Variants in ZFHX3 observed in about 807,000 individuals in gnomAD.
ZFHX3 encodes zinc finger homeobox protein 3.
A neutral mutation model predicts 279.1 loss-of-function variants in ZFHX3; 42 were observed. The observed-to-expected ratio is 0.15, with a 90% CI of 0.12 to 0.19. The LOEUF is 0.19. Among genes scored for constraint, ZFHX3 ranks in the 10% least tolerant of loss-of-function variants. The pLI, the probability that ZFHX3 is intolerant of heterozygous loss-of-function variation, is 1.00. For missense variants in ZFHX3, 4,981 were observed against 4,754.0 expected, an observed-to-expected ratio of 1.05 and a Z score of -1.40; for synonymous variants, 2,293 against 1,957.8, an observed-to-expected ratio of 1.17 and a Z score of -4.52.
intron 2 of ZFHX3, among the ~76,000 whole-genome samples, chr16:73,619,498 A>ATT (rs1220654680): frequency 0.19 from 10,985 of 58,298 alleles, 925 homozygotes; most frequent in African/African-American, 0.28. Flanking sequence ...AAAAAAAAAA[A>ATT]ATTATATATA....
At chr16:72,943,957 A>G (rs1360946648) in intron 3 of ZFHX3, among the ~76,000 whole-genome samples, 17 of 152,242 alleles carry the variant, frequency 1.1e-4, no homozygotes, top group Non-Finnish European at 4.4e-5. Flanking sequence ...GATTTTCATA[A>G]AAAGTATCTA....
At chr16:73,859,853 G>T (rs567674411) in intron 1 of ZFHX3, among the ~76,000 whole-genome samples, 71 of 152,262 alleles carry the variant, frequency 4.7e-4, no homozygotes, top group African/African-American at 1.6e-3. Context: ...ACCTAGCACG[G>T]TACTGTTTAT....
Position 73,195,097 on chromosome 16 carries a change from T to C in ZFHX3, c.-1103-51266A>G, listed in dbSNP as rs558658137. On this transcript the variant is annotated intron_variant, in intron 5 of 17. Transcript: ENST00000641206. Reference sequence around the variant, plus strand: ...CATATTTCAAGTCTCTCCAAATACCTACTTAACAAATACCACCTTTTGCAT... The same window carrying C: ...CATATTTCAAGTCTCTCCAAATACCCACTTAACAAATACCACCTTTTGCAT... Among the ~76,000 whole-genome samples the C allele has an allele frequency of 4.4e-3, 669 of 152,322 alleles. 3 individuals are homozygous for C. Among genetic ancestry groups the C allele is most frequent in the Admixed American group, 6.6e-3 (101 of 15,300 alleles).
At chr16:73,202,665 C>G (rs2011649131) in intron 5 of ZFHX3, among the ~76,000 whole-genome samples, 1 of 152,202 alleles carries the variant, frequency 6.6e-6, no homozygotes, top group South Asian at 2.1e-4. Flanking sequence ...GCTCACCTCT[C>G]TGCTACCCTC....
At chr16:73,131,587 C>G (rs1166862171) in intron 6 of ZFHX3, among the ~76,000 whole-genome samples, 3 of 152,180 alleles carry the variant, frequency 2.0e-5, no homozygotes, top group Non-Finnish European at 4.4e-5. Context: ...TGTGAGCTGA[C>G]ACAGTGAGCC....
intron 4 of ZFHX3, among the ~76,000 whole-genome samples, chr16:73,303,106 G>A (rs905412926): frequency 6.6e-6 from 1 of 151,718 alleles, no homozygotes; most frequent in African/African-American, 2.4e-5. Context: ...ATAGTGCACT[G>A]TCGCCTTAAA....
intron 3 of ZFHX3, among the ~76,000 whole-genome samples, chr16:73,347,687 T>C (rs1438691622): frequency 6.6e-6 from 1 of 152,268 alleles, no homozygotes; most frequent in Non-Finnish European, 1.5e-5. Flanking sequence ...CAGTAGTTAA[T>C]TTCATCTGTT....
chr16:73,405,742 C>A (rs1371258694), intron 3 of ZFHX3, among the ~76,000 whole-genome samples: 2 of 151,856 alleles, frequency 1.3e-5, no homozygotes, highest in East Asian at 3.9e-4. Context: ...AAATACCAGG[C>A]TGGAATGCCA....
chr16:72,890,007 GAA>G, intron 3 of ZFHX3, 45 bp from the exon 4 acceptor site: 2 of 1,553,316 alleles, frequency 1.3e-6, no homozygotes, highest in East Asian at 2.3e-5. Context: ...TAAGCCACTC[GAA>G]GCGGCCACTG....
At chr16:73,516,265 G>T (rs958409346) in intron 2 of ZFHX3, among the ~76,000 whole-genome samples, 3 of 152,196 alleles carry the variant, frequency 2.0e-5, no homozygotes, top group Admixed American at 6.5e-5. Context: ...CATGTTCTTT[G>T]TAACCAGGGC....
intron 1 of ZFHX3, among the ~76,000 whole-genome samples, chr16:73,840,134 G>A (rs568845533): frequency 6.6e-6 from 1 of 152,250 alleles, no homozygotes; most frequent in African/African-American, 2.4e-5. Flanking sequence ...AAACAGATCA[G>A]GAAATAAGTA....
At chr16:73,760,260 G>C (rs1466431807) in intron 1 of ZFHX3, among the ~76,000 whole-genome samples, 3 of 152,114 alleles carry the variant, frequency 2.0e-5, no homozygotes, top group Non-Finnish European at 4.4e-5. Context: ...TCCCTGAGTA[G>C]ATCAATAACG....
intron 2 of ZFHX3, among the ~76,000 whole-genome samples, chr16:73,613,590 G>A (rs1291312666): frequency 6.6e-6 from 1 of 152,128 alleles, no homozygotes; most frequent in Non-Finnish European, 1.5e-5. Context: ...TTATATGAAA[G>A]TAAAGTTGAA....
intron 1 of ZFHX3, among the ~76,000 whole-genome samples, chr16:73,759,546 T>A (rs1411151672): frequency 1.3e-5 from 2 of 152,168 alleles, no homozygotes; most frequent in Non-Finnish European, 2.9e-5. Flanking sequence ...CTTTAGGAAT[T>A]ACAGAGAAGT....
intron 1 of ZFHX3, among the ~76,000 whole-genome samples, chr16:73,783,466 C>T (rs1478725471): frequency 6.6e-6 from 1 of 152,300 alleles, no homozygotes; most frequent in East Asian, 1.9e-4. Context: ...AAGGATGACA[C>T]CCAGGAAAGA....
rs1442649904 is a variant in ZFHX3, at chr16:73,394,653, T to A, written c.-1291+61350A>T. Among the ~76,000 whole-genome samples, 2 of 152,184 alleles carry A rather than the reference T, an allele frequency of 1.3e-5. 1 individual carries two copies. The highest frequency in any genetic ancestry group is 4.1e-4 in the South Asian group (2 of 4,828). Reference sequence around the variant, plus strand: ...GAACAGAGACAGAAGGACAAAGATATGCTTGTAATGGTACAGAAAACCCTA... The same window carrying A: ...GAACAGAGACAGAAGGACAAAGATAAGCTTGTAATGGTACAGAAAACCCTA... On this transcript the variant is annotated intron_variant, in intron 3 of 17. Transcript: ENST00000641206.
Position 72,787,910 on chromosome 16 carries a change from A to C in ZFHX3, c.10366T>G (p.Phe3456Val), listed in dbSNP as rs1269071907. ...SKSADSLYDPFIVPKVQYKLV... is the reference protein window; with the variant it reads ...SKSADSLYDPVIVPKVQYKLV... ...TTGTACTGCACCTTTGGAACAATGA[A>C]GGGGTCGTAGAGGGAGTCCGCACTT... The change falls in exon 10 of 10, where the codon TTC becomes GTC. Residue 3456 changes from phenylalanine to valine, a missense_variant. Physicochemically the swap from Phe to Val is conservative, Grantham distance 50 (BLOSUM62 -1). Transcript: ENST00000268489. 1.2e-6 allele frequency: 2 copies of C among 1,613,924 alleles called. No homozygotes were observed. Among genetic ancestry groups the C allele is most frequent in the Non-Finnish European group, 8.5e-7 (1 of 1,179,990 alleles).
At chr16:73,376,142 T>C (rs2016719085) in intron 3 of ZFHX3, among the ~76,000 whole-genome samples, 2 of 152,354 alleles carry the variant, frequency 1.3e-5, no homozygotes, top group South Asian at 4.1e-4. Flanking sequence ...ACTCTTTTGG[T>C]TTCTTTTTAA....
intron 2 of ZFHX3, among the ~76,000 whole-genome samples, chr16:73,497,830 C>G (rs1482034550): frequency 6.6e-6 from 1 of 152,182 alleles, no homozygotes; most frequent in Non-Finnish European, 1.5e-5. Flanking sequence ...ATAAGGATTA[C>G]AAGGTGATGC....
Sources: allele counts gnomAD v4.1 joint callset (sites outside exome capture counted in the v4.1 genomes callset), GRCh38; gene constraint gnomAD v4.1.1; transcripts MANE v1.5; gene names NCBI Gene and HGNC (gene_info 2026-07-23, HGNC 2026-07-21).